Variants in ANK3 observed in about 807,000 individuals in gnomAD.
The protein encoded by ANK3 is ankyrin-3.
A neutral mutation model predicts 370.9 loss-of-function variants in ANK3; 57 were observed. That is an observed-to-expected ratio of 0.15 (90% CI 0.12 to 0.19). ANK3 has a LOEUF of 0.19. ANK3 is among the 10% of genes least tolerant of loss of function. ANK3 has a pLI of 1.00. For synonymous variants in ANK3, 1,929 were observed against 1,946.3 expected (o/e 0.99, Z 0.23); for missense variants, 4,439 against 5,302.1 (o/e 0.84, Z 5.06).
At chr10:60,611,873 A>G (rs2078206647) in intron 2 of ANK3, among the ~76,000 whole-genome samples, 1 of 151,210 alleles carries the variant, frequency 6.6e-6, no homozygotes, top group Admixed American at 6.6e-5. Context: ...ATAGAGACAC[A>G]TTATCAAAGC....
At chr10:60,123,669 G>C (rs2132144447) in intron 25 of ANK3, among the ~76,000 whole-genome samples, 1 of 152,306 alleles carries the variant, frequency 6.6e-6, no homozygotes, top group South Asian at 2.1e-4. Context: ...AGGTGGTCTT[G>C]CAAATTAACT....
intron 1 of ANK3, among the ~76,000 whole-genome samples, chr10:60,694,140 A>C: frequency 6.6e-6 from 1 of 152,218 alleles, no homozygotes; most frequent in East Asian, 1.9e-4. Flanking sequence ...ACTGGAAGAA[A>C]GGGTATCAGT....
At chr10:60,149,702 C>A (rs573536299) in intron 23 of ANK3, among the ~76,000 whole-genome samples, 3 of 152,204 alleles carry the variant, frequency 2.0e-5, no homozygotes, top group African/African-American at 7.2e-5. Context: ...ATTCCCATAC[C>A]CCTTATTTTG....
chr10:60,149,401 G>C (rs187805121), intron 23 of ANK3, among the ~76,000 whole-genome samples: 1 of 152,232 alleles, frequency 6.6e-6, no homozygotes, highest in East Asian at 1.9e-4. Context: ...AGACTTTTCA[G>C]GTAGATGGAA....
At chr10:60,515,454 T>G (rs1306269606) in intron 2 of ANK3, among the ~76,000 whole-genome samples, 1 of 152,178 alleles carries the variant, frequency 6.6e-6, no homozygotes, top group Admixed American at 6.5e-5. Flanking sequence ...TTCTCTGGCC[T>G]ATGAGAAGAA....
intron 1 of ANK3, among the ~76,000 whole-genome samples, chr10:60,656,605 G>C (rs925524467): frequency 6.6e-6 from 1 of 152,070 alleles, no homozygotes; most frequent in East Asian, 1.9e-4. Context: ...AATGAGCCTA[G>C]ATCAATGATT....
chr10:60,189,913 T>G (rs993022437), intron 16 of ANK3, among the ~76,000 whole-genome samples: 1 of 152,190 alleles, frequency 6.6e-6, no homozygotes, highest in African/African-American at 2.4e-5. Flanking sequence ...CTGATCCATA[T>G]CAATAGATAT....
chr10:60,409,505 A>G (rs1307919878), intron 2 of ANK3, among the ~76,000 whole-genome samples: 2 of 152,220 alleles, frequency 1.3e-5, no homozygotes, highest in Non-Finnish European at 2.9e-5. Context: ...TCCACTGGTT[A>G]GTTTTTTAAA....
At chr10:60,276,217 G>A (rs1414054320) in intron 4 of ANK3, among the ~76,000 whole-genome samples, 2 of 152,124 alleles carry the variant, frequency 1.3e-5, no homozygotes, top group Admixed American at 6.5e-5. Context: ...GTAAAGAAGA[G>A]TAAGGGGCTC....
intron 17 of ANK3, among the ~76,000 whole-genome samples, chr10:60,185,930 G>A (rs1226976808): frequency 1.3e-5 from 2 of 152,260 alleles, no homozygotes; most frequent in Admixed American, 6.5e-5. Flanking sequence ...ATGACAGCAT[G>A]GGTGTTTGAA....
chr10:60,095,777 A>G (rs917054973), intron 28 of ANK3, among the ~76,000 whole-genome samples: 3 of 152,270 alleles, frequency 2.0e-5, no homozygotes, highest in African/African-American at 7.2e-5. Context: ...CCATGTGTTT[A>G]TAACTCAAAT....
chr10:60,445,334 G>A (rs777535180), intron 2 of ANK3, among the ~76,000 whole-genome samples: 2 of 149,992 alleles, frequency 1.3e-5, no homozygotes, highest in Non-Finnish European at 3.0e-5. Context: ...AGGTTGCAGC[G>A]AGCCGAGATC....
intron 28 of ANK3, among the ~76,000 whole-genome samples, chr10:60,094,174 G>GTATTC (rs2089485497): frequency 2.1e-5 from 3 of 143,580 alleles, no homozygotes; most frequent in African/African-American, 7.8e-5. Flanking sequence ...TGGAGAAACA[G>GTATTC]TATTCTATTT....
In ANK3 at chr10:60,208,161, T is replaced by G. The variant is rs776335889; in HGVS notation, c.1069A>C (p.Asn357His). 7 of 1,614,132 alleles carry G rather than the reference T, an allele frequency of 4.3e-6. No homozygotes were observed. The highest frequency in any genetic ancestry group is 5.9e-6 in the Non-Finnish European group (7 of 1,180,000). ...TTGGTGACATCATCCACGGGTACAT[T>G]ATGCTGGAGGAGAAGCTGGACGCAG... is the stretch of plus-strand genomic sequence containing the variant. ...LNCVQLLLQH[N>H]VPVDDVTNDY... is the part of the protein sequence containing the mutation. The change falls in exon 10 of 44, where the codon AAT becomes CAT. Residue 357 changes from asparagine to histidine, a missense_variant. Asn to His is a moderately conservative substitution (Grantham distance 68). Coordinates refer to ENST00000280772, the MANE Select transcript of ANK3 (RefSeq NM_020987.5).
chr10:60,113,004 T>C (rs753375057), intron 26 of ANK3, among the ~76,000 whole-genome samples: 2 of 152,212 alleles, frequency 1.3e-5, no homozygotes, highest in Non-Finnish European at 2.9e-5. Context: ...GGATGTCAAT[T>C]ATCCCAAATT....
At chr10:60,568,295 A>G (rs1357859504) in intron 2 of ANK3, among the ~76,000 whole-genome samples, 5 of 152,206 alleles carry the variant, frequency 3.3e-5, no homozygotes. Flanking sequence ...TTTGGCAACC[A>G]CCATCCATCA....
In ANK3 at chr10:60,070,872, T is replaced by C; in HGVS notation, c.10009A>G (p.Lys3337Glu). The C allele has an allele frequency of 6.2e-7, 1 of 1,614,026 alleles. No homozygotes were observed. The highest frequency in any genetic ancestry group is 2.2e-5 in the East Asian group (1 of 44,874). Residue 3337 changes from lysine (K) to glutamate (E), a missense_variant, in exon 37 of 44, where the codon AAG becomes GAG. Lys to Glu is a moderately conservative substitution (Grantham distance 56). Around this residue, in one of 13 missense-constraint regions of ANK3, gnomAD observed 1,601 missense variants for 1,731.7 expected, o/e 0.92. Coordinates refer to ENST00000280772, the MANE Select transcript of ANK3 (RefSeq NM_020987.5). This position sits in a 1 kb window ranked among gnomAD's most constrained non-coding sequence, Gnocchi z 5.7. ...TCTTTTTGTTCATCGTCCACTTCCT[T>C]TAATTTGAAGGTATATTTTTTAACT... ...VPVKKYTFKLKEVDDEQKEKP... is the reference protein window; with the variant it reads ...VPVKKYTFKLEEVDDEQKEKP...
intron 2 of ANK3, among the ~76,000 whole-genome samples, chr10:60,416,945 T>C (rs2063681714): frequency 6.6e-6 from 1 of 152,148 alleles, no homozygotes; most frequent in Admixed American, 6.6e-5. Flanking sequence ...AAATGGTTTT[T>C]GAGAGAAAAT....
At chr10:60,499,907 C>A (rs943881650) in intron 2 of ANK3, among the ~76,000 whole-genome samples, 1 of 152,194 alleles carries the variant, frequency 6.6e-6, no homozygotes, top group Non-Finnish European at 1.5e-5. Flanking sequence ...ACCCCACCCC[C>A]AAGCCCCATC....
Sources: gnomAD v4.1 joint callset for allele counts (sites outside exome capture counted in the v4.1 genomes callset) on GRCh38, gnomAD v4.1.1 for gene constraint, gnomAD v4.1.1 regional missense constraint, Gnocchi (gnomAD v3.1) non-coding constraint, MANE v1.5 for transcripts, NCBI Gene and HGNC (gene_info 2026-07-23, HGNC 2026-07-21) for gene names.